Variants in PDP2 observed in about 807,000 individuals in gnomAD.
The protein encoded by PDP2 is [Pyruvate dehydrogenase [acetyl-transferring]]-phosphatase 2, mitochondrial.
In PDP2, 23 loss-of-function variants were observed where a neutral mutation model predicts 34.2. The observed-to-expected ratio is 0.67, with a 90% confidence interval of 0.48 to 0.95. The LOEUF is 0.95. PDP2 is among the 40% of genes least tolerant of loss of function. The pLI is 0.00. For synonymous variants in PDP2, 275 were observed against 269.2 expected (o/e 1.02, Z -0.21); for missense variants, 571 against 659.6 (o/e 0.87, Z 1.47).
At chr16:66,882,114 A>G (rs948755360) in intron 1 of PDP2, among the ~76,000 whole-genome samples, 23 of 152,256 alleles carry the variant, frequency 1.5e-4, no homozygotes, top group African/African-American at 5.3e-4. Flanking sequence ...AAATACTCTT[A>G]TCAGGAAAGC....
Position 66,884,622 on chromosome 16 carries a change from A to G in PDP2, c.338A>G (p.Gln113Arg), listed in dbSNP as rs1281921085. 1 of 1,614,284 alleles carries G rather than the reference A, an allele frequency of 6.2e-7. No individual in the cohort carries two copies. Residue 113 changes from glutamine to arginine, a missense_variant, in exon 2 of 2, where the codon CAG becomes CGG. By Grantham distance (43) the Gln-to-Arg change is conservative. Coordinates refer to ENST00000311765, the MANE Select transcript of PDP2 (RefSeq NM_020786.4). ...PNSVLRFESN[Q>R]LAANSPVEDR... ...TCAGTGTTGCGGTTTGAGAGCAACCAGCTGGCTGCCAATTCCCCAGTGGAG... is the reference window on the plus strand; with the variant it reads ...TCAGTGTTGCGGTTTGAGAGCAACCGGCTGGCTGCCAATTCCCCAGTGGAG...
chr16:66,880,840 C>CA (rs768870152), intron 1 of PDP2, 200 bp downstream of exon 1: 120 of 152,458 alleles, frequency 7.9e-4, no homozygotes, highest in Admixed American at 1.3e-3. Flanking sequence ...ACGGTCACCC[C>CA]ACTCACGTGC....
rs1187745867 is a variant in PDP2, at chr16:66,884,473, C to T, written c.189C>T (p.Tyr63=). 1 of 1,614,168 alleles carries T rather than the reference C, an allele frequency of 6.2e-7. No individual in the cohort carries two copies. The highest frequency in any genetic ancestry group is 8.5e-7 in the Non-Finnish European group (1 of 1,180,022). The part of the protein sequence containing the change: ...PCGGFTLCKA[Y]RHTSTEEDDF... ...GTGGCTTTACTCTGTGCAAAGCCTACAGACACACATCAACAGAGGAAGATG... is the reference window on the plus strand; with the variant it reads ...GTGGCTTTACTCTGTGCAAAGCCTATAGACACACATCAACAGAGGAAGATG... Residue 63 remains tyrosine (Y), a synonymous_variant, in exon 2 of 2, where the codon TAC becomes TAT. Coordinates refer to ENST00000311765, the MANE Select transcript of PDP2 (RefSeq NM_020786.4).
In PDP2 at chr16:66,885,450, T is replaced by C; in HGVS notation, c.1166T>C (p.Leu389Pro). The C allele has an allele frequency of 1.9e-6, 3 of 1,613,882 alleles. No homozygotes were observed. Among genetic ancestry groups the C allele is most frequent in the Non-Finnish European group, 2.5e-6 (3 of 1,180,018 alleles). ...TPPHYYTPPY[L>P]TAEPEVTYHR... ...CCACACTACTACACTCCACCCTACC[T>C]GACTGCTGAGCCTGAGGTCACATAC... The change falls in exon 2 of 2, where the codon CTG (leucine) becomes CCG (proline). Residue 389 changes from leucine (L) to proline (P), a missense_variant. This residue lies in a region of PDP2 where 281 missense variants were observed against 375.8 expected (regional missense o/e 0.75). Coordinates refer to ENST00000311765, the MANE Select transcript of PDP2 (RefSeq NM_020786.4). This position sits in a 1 kb window ranked among gnomAD's most constrained non-coding sequence, Gnocchi z 4.6.
chr16:66,881,543 G>A (rs17700154), intron 1 of PDP2, among the ~76,000 whole-genome samples: 6,224 of 151,978 alleles, frequency 0.041, 204 homozygotes, highest in East Asian at 0.2. Flanking sequence ...GGAGGCAGAT[G>A]TGAAGCTTTT....
At position 66,885,647 on chromosome 16, in the gene PDP2, C is replaced by T. The variant is rs771733129; in HGVS notation, c.1363C>T (p.Leu455=). Residue 455 remains leucine, a synonymous_variant, in exon 2 of 2, where the codon CTG becomes TTG. Transcript: ENST00000311765. The surrounding 1 kb of genome is among the most constrained non-coding windows in gnomAD (Gnocchi z 4.6). Reference sequence around the variant, plus strand: ...CAACTTGGGGCTCATGCAGAGCCTGCTGCTGCAGAGGAAAGCCAGCGGGCT... The same window carrying T: ...CAACTTGGGGCTCATGCAGAGCCTGTTGCTGCAGAGGAAAGCCAGCGGGCT... ...PANLGLMQSL[L]LQRKASGLHE... 1.2e-6 allele frequency: 2 copies of T among 1,614,060 alleles called. No homozygotes were observed. The highest frequency in any genetic ancestry group is 1.1e-5 in the South Asian group (1 of 91,078).
chr16:66,885,293 A>G lies in PDP2; in HGVS notation c.1009A>G (p.Arg337Gly). Residue 337 changes from arginine (R) to glycine (G), a missense_variant, in exon 2 of 2, where the codon AGG becomes GGG. Arg to Gly is a moderately radical substitution (Grantham distance 125). Coordinates refer to ENST00000311765, the MANE Select transcript of PDP2 (RefSeq NM_020786.4). This position sits in a 1 kb window ranked among gnomAD's most constrained non-coding sequence, Gnocchi z 4.6. ...GGACAGGACGATCATCATGGAGGAC[A>G]GGCTACTGGGCGTCCTCATCCCCTG... ...SEDRTIIMED[R>G]LLGVLIPCRA... is the part of the protein sequence containing the mutation. 1 of 1,614,146 alleles carries G rather than the reference A, an allele frequency of 6.2e-7. No individual in the cohort carries two copies. Among genetic ancestry groups the G allele is most frequent in the Non-Finnish European group, 8.5e-7 (1 of 1,180,006 alleles).
At chr16:66,884,092 T>C (rs770443171) in intron 1 of PDP2, 139 bp from the exon 2 acceptor site, 1 of 435,276 alleles carries the variant, frequency 2.3e-6, no homozygotes, top group Non-Finnish European at 3.9e-6. Flanking sequence ...GAGAATGGCA[T>C]GAACCTGGGA....
intron 1 of PDP2, among the ~76,000 whole-genome samples, chr16:66,883,723 C>T (rs956534351): frequency 4.6e-5 from 7 of 151,296 alleles, no homozygotes; most frequent in Admixed American, 3.3e-4. Context: ...GCTAGGATTA[C>T]AGGCATGAGC....
rs576816753 is a variant in PDP2 at position 66,884,233 on chromosome 16, T to C, written c.-52T>C. On this transcript the variant is annotated splice_region_variant and 5_prime_UTR_variant, in exon 2 of 2. Transcript: ENST00000311765. Reference sequence around the variant, plus strand: ...AACTTCAACTTTTTAATTTTTAGGTTTAAAAATATCCTTTTTTGCTGAAGG... The same window carrying C: ...AACTTCAACTTTTTAATTTTTAGGTCTAAAAATATCCTTTTTTGCTGAAGG... 6.8e-7 allele frequency: 1 copy of C among 1,462,946 alleles called. No homozygotes were observed. The highest frequency in any genetic ancestry group is 2.3e-5 in the Admixed American group (1 of 43,684). The allele number at this position is 1,462,946 out of a possible 1,614,324, so 90.6% of individuals were successfully genotyped here.
In PDP2 at chr16:66,888,041, CCTTCCTTCCTTCCTTCCT is replaced by C. The variant is rs1261477795; in HGVS notation, c.*2170_*2187del. 3.3e-5 allele frequency: 4 copies of C among 119,888 alleles called. No homozygotes were observed. The highest frequency in any genetic ancestry group is 1.8e-4 in the African/African-American group (4 of 22,456). The allele number at this position is 119,888 out of a possible 1,614,324, so 7.4% of individuals were successfully genotyped here. A position where few individuals can be genotyped will look rare whatever the true frequency, so the allele number is the denominator to read the frequency against. Reference sequence around the variant, plus strand: ...TCCTTCCTTCCTTCCTTCCTTCCTTCCTTCCTTCCTTCCTTCCTCTCTCTCTCTTTCTTTCTTTCTTTC... The same window carrying C: ...TCCTTCCTTCCTTCCTTCCTTCCTTCCTCTCTCTCTTTCTTTCTTTCTTTC... On this transcript the variant is annotated 3_prime_UTR_variant, in exon 2 of 2. Coordinates refer to ENST00000311765, the MANE Select transcript of PDP2 (RefSeq NM_020786.4).
In PDP2 at chr16:66,888,022, C is replaced by A. The variant is rs1961851240; in HGVS notation, c.*2148C>A. On this transcript the variant is annotated 3_prime_UTR_variant, in exon 2 of 2. Transcript: ENST00000311765. ...CCTTCCTTCCTTCCTTCCTTCCTTC[C>A]TTCCTTCCTTCCTTCCTTCCTTCCT... The A allele has an allele frequency of 7.0e-6, 1 of 142,752 alleles. No homozygotes were observed. The highest frequency in any genetic ancestry group is 2.6e-5 in the African/African-American group (1 of 38,324). 8.8% of individuals were successfully genotyped at this position (142,752 alleles called of 1,614,324 possible). A position where few individuals can be genotyped will look rare whatever the true frequency, so the allele number is the denominator to read the frequency against.
rs1359823753 is a variant in PDP2 at position 66,889,427 on chromosome 16, G to A, written c.*3553G>A. On this transcript the variant is annotated 3_prime_UTR_variant, in exon 2 of 2. Coordinates refer to ENST00000311765, the MANE Select transcript of PDP2 (RefSeq NM_020786.4). ...GTGACTCTCGTGCCTCTGCCACAGA[G>A]TAGCTGGGATTACAGGCATGCACCA... 4 of 152,072 alleles carry A rather than the reference G, an allele frequency of 2.6e-5. No homozygotes were observed. Among genetic ancestry groups the A allele is most frequent in the African/African-American group, 9.7e-5 (4 of 41,388 alleles). 9.4% of individuals were successfully genotyped at this position (152,072 alleles called of 1,614,324 possible).
rs1332763416 is a variant in PDP2 at position 66,889,691 on chromosome 16, T to G, written c.*3817T>G. On this transcript the variant is annotated 3_prime_UTR_variant, in exon 2 of 2. Transcript: ENST00000311765. Reference sequence around the variant, plus strand: ...AGTATTCTAAATTCAAATTCGTGGCTAGGCACAGTGGCCCACACCTGTAAT... The same window carrying G: ...AGTATTCTAAATTCAAATTCGTGGCGAGGCACAGTGGCCCACACCTGTAAT... 1.3e-5 allele frequency: 2 copies of G among 151,646 alleles called. No homozygotes were observed. The highest frequency in any genetic ancestry group is 1.3e-4 in the Admixed American group (2 of 15,172). 9.4% of individuals were successfully genotyped at this position (151,646 alleles called of 1,614,324 possible).
chr16:66,885,186 C>T lies in PDP2; in HGVS notation c.902C>T (p.Ser301Phe), dbSNP rs747882116. The T allele has an allele frequency of 6.2e-7, 1 of 1,614,008 alleles. No homozygotes were observed. Among genetic ancestry groups the T allele is most frequent in the Non-Finnish European group, 8.5e-7 (1 of 1,180,042 alleles). The change falls in exon 2 of 2, where the codon TCT becomes TTT. Residue 301 changes from serine (S) to phenylalanine (F), a missense_variant. Physicochemically the swap from Ser to Phe is radical, Grantham distance 155 (BLOSUM62 -2). This residue lies in a region of PDP2 where 281 missense variants were observed against 375.8 expected (regional missense o/e 0.75). Coordinates refer to ENST00000311765, the MANE Select transcript of PDP2 (RefSeq NM_020786.4). This position sits in a 1 kb window ranked among gnomAD's most constrained non-coding sequence, Gnocchi z 4.6. Reference sequence around the variant, plus strand: ...GTCCAAGAGGACAATGGCATGTGGTCTTGTCTGCCCCTTACACGTGACCAC... The same window carrying T: ...GTCCAAGAGGACAATGGCATGTGGTTTTGTCTGCCCCTTACACGTGACCAC... ...LGVQEDNGMWSCLPLTRDHNA... is the reference protein window; with the variant it reads ...LGVQEDNGMWFCLPLTRDHNA...
chr16:66,884,143 C>T, intron 1 of PDP2, 88 bp from the exon 2 acceptor site: 3 of 714,120 alleles, frequency 4.2e-6, no homozygotes, highest in South Asian at 4.1e-5. Flanking sequence ...CACTGCACTC[C>T]AGCCTGGGCG....
intron 1 of PDP2, among the ~76,000 whole-genome samples, chr16:66,882,173 CTG>C (rs1436172884): frequency 6.6e-6 from 1 of 152,202 alleles, no homozygotes; most frequent in Non-Finnish European, 1.5e-5. Flanking sequence ...TACAGAATGA[CTG>C]TGCGCAGTAG....
intron 1 of PDP2, among the ~76,000 whole-genome samples, chr16:66,881,404 C>G (rs1961508731): frequency 6.8e-6 from 1 of 146,446 alleles, no homozygotes; most frequent in Non-Finnish European, 1.5e-5. Flanking sequence ...TATAATGGGT[C>G]AAGGTTTTGT....
chr16:66,885,842 G>A lies in PDP2; in HGVS notation c.1558G>A (p.Glu520Lys), dbSNP rs143473863. The change falls in exon 2 of 2, where the codon GAA (glutamate) becomes AAA (lysine). Residue 520 changes from glutamate to lysine, a missense_variant. Around this residue, in one of 2 missense-constraint regions of PDP2, gnomAD observed 281 missense variants for 375.8 expected, o/e 0.75. Transcript: ENST00000311765. The surrounding 1 kb of genome is among the most constrained non-coding windows in gnomAD (Gnocchi z 4.6). ...ITVTVVYFNS[E>K]SIGAYYKGG ...TGTCACTGTGGTGTATTTTAACTCA[G>A]AATCAATCGGTGCATATTACAAGGG... 154 of 1,610,226 alleles carry A rather than the reference G, an allele frequency of 9.6e-5. No individual in the cohort carries two copies. In the African/African-American group the frequency reaches 1.9e-3, roughly 20 times the overall value.
Sources: allele counts gnomAD v4.1 joint callset (sites outside exome capture counted in the v4.1 genomes callset), GRCh38; gene constraint gnomAD v4.1.1; regional missense constraint gnomAD v4.1.1; non-coding constraint Gnocchi (gnomAD v3.1); transcripts MANE v1.5; gene names NCBI Gene and HGNC (gene_info 2026-07-23, HGNC 2026-07-21).